POPDC1: variants seen among roughly 807,000 people sequenced by gnomAD.
POPDC1 encodes the protein popeye domain cAMP effector 1.
At chr6:105,113,976 A>G in the POPDC1 span, among the ~76,000 whole-genome samples, 1 of 152,094 alleles carries the variant, frequency 6.6e-6, no homozygotes, top group South Asian at 2.1e-4. Flanking sequence ...AAAACAAAAC[A>G]AAAACAAACA....
chr6:105,136,083 C>T, the POPDC1 span: 1 of 152,210 alleles, frequency 6.6e-6, no homozygotes, highest in Non-Finnish European at 1.5e-5. Context: ...CATTAAACCT[C>T]TACCAAACTA....
At chr6:105,108,908 T>C in the POPDC1 span, among the ~76,000 whole-genome samples, 6,435 of 152,212 alleles carry the variant, frequency 0.042, 448 homozygotes, top group African/African-American at 0.15. Flanking sequence ...CCACAACAGT[T>C]TGAAGGTAGA....
chr6:105,135,994 T>C, the POPDC1 span, among the ~76,000 whole-genome samples: 1 of 152,204 alleles, frequency 6.6e-6, no homozygotes, highest in African/African-American at 2.4e-5. Context: ...AGTCCTTAAA[T>C]TACCTATACT....
chr6:105,113,582 C>T, the POPDC1 span, among the ~76,000 whole-genome samples: 1 of 152,202 alleles, frequency 6.6e-6, no homozygotes, highest in Non-Finnish European at 1.5e-5. Flanking sequence ...TGTCTTCCTT[C>T]TGCAGTTACA....
chr6:105,130,319 C>A, the POPDC1 span, among the ~76,000 whole-genome samples: 12 of 151,998 alleles, frequency 7.9e-5, no homozygotes, highest in African/African-American at 2.2e-4. Flanking sequence ...TTTAACCATC[C>A]CCCTACTGCC....
chr6:105,108,118 G>GAGCTGTAC, the POPDC1 span, among the ~76,000 whole-genome samples: 1 of 152,148 alleles, frequency 6.6e-6, no homozygotes, highest in Non-Finnish European at 1.5e-5. Context: ...TCAGGGCCGT[G>GAGCTGTAC]AGCTGTACAG....
the POPDC1 span, chr6:105,133,221 A>G: frequency 1.5e-6 from 1 of 684,294 alleles, no homozygotes; most frequent in Non-Finnish European, 2.5e-6. Context: ...TATACTGCTA[A>G]TTCATTAACA....
the POPDC1 span, chr6:105,115,920 G>A: frequency 6.1e-6 from 8 of 1,321,114 alleles, no homozygotes; most frequent in South Asian, 1.6e-5. Flanking sequence ...AAATACGTTA[G>A]TGCATTTAAA....
the POPDC1 span, chr6:105,129,442 C>G: frequency 6.2e-7 from 1 of 1,612,768 alleles, no homozygotes. Context: ...ACACAGAGTT[C>G]CAGATCATTA....
chr6:105,104,452 T>C, the POPDC1 span, among the ~76,000 whole-genome samples: 1 of 152,076 alleles, frequency 6.6e-6, no homozygotes, highest in African/African-American at 2.4e-5. Context: ...TGTCCTTAAG[T>C]ACACAGTGAT....
chr6:105,103,086 C>T, the POPDC1 span, among the ~76,000 whole-genome samples: 1 of 152,218 alleles, frequency 6.6e-6, no homozygotes, highest in East Asian at 1.9e-4. Flanking sequence ...ACAACCTCTA[C>T]TTCAATGTCT....
the POPDC1 span, chr6:105,137,043 G>A: frequency 6.6e-6 from 1 of 152,190 alleles, no homozygotes; most frequent in Non-Finnish European, 1.5e-5. Context: ...CGCGGGACGC[G>A]GGGCACACGG....
the POPDC1 span, among the ~76,000 whole-genome samples, chr6:105,110,274 A>G: frequency 6.6e-6 from 1 of 152,202 alleles, no homozygotes; most frequent in African/African-American, 2.4e-5. Context: ...TTATGCTCAC[A>G]TTGATCTCCC....
chr6:105,109,918 G>A, the POPDC1 span, among the ~76,000 whole-genome samples: 6 of 151,656 alleles, frequency 4.0e-5, no homozygotes, highest in African/African-American at 1.4e-4. Context: ...TTCACTGTAA[G>A]GTTTTTTAAC....
chr6:105,100,564 A>ATGTG, the POPDC1 span: 6 of 140,582 alleles, frequency 4.3e-5, no homozygotes, highest in African/African-American at 1.6e-4. Flanking sequence ...ATATATATAT[A>ATGTG]TATATGTATG....
At chr6:105,123,425 G>C in the POPDC1 span, among the ~76,000 whole-genome samples, 1 of 152,014 alleles carries the variant, frequency 6.6e-6, no homozygotes, top group Non-Finnish European at 1.5e-5. Flanking sequence ...TTTTGAGACG[G>C]AGTCTTGCTC....
At chr6:105,113,702 T>C in the POPDC1 span, among the ~76,000 whole-genome samples, 1 of 152,096 alleles carries the variant, frequency 6.6e-6, no homozygotes, top group African/African-American at 2.4e-5. Flanking sequence ...AAAGTTACTA[T>C]GCAGGCCAGG....
the POPDC1 span, among the ~76,000 whole-genome samples, chr6:105,115,341 G>C: frequency 6.6e-6 from 1 of 152,090 alleles, no homozygotes; most frequent in Non-Finnish European, 1.5e-5. Context: ...GCCCGCCTCA[G>C]CCTCCCAAAG....
At chr6:105,130,160 G>C in the POPDC1 span, among the ~76,000 whole-genome samples, 16 of 152,230 alleles carry the variant, frequency 1.1e-4, no homozygotes, top group African/African-American at 3.9e-4. Flanking sequence ...CTGCCTTACA[G>C]AGTTTTCATA....
Sources: gnomAD v4.1 joint callset for allele counts (sites outside exome capture counted in the v4.1 genomes callset) on GRCh38, gnomAD v4.1.1 for gene constraint, MANE v1.5 for transcripts, NCBI Gene and HGNC (gene_info 2026-07-23, HGNC 2026-07-21) for gene names.